Variants in RAB38 observed in about 807,000 individuals in gnomAD.
RAB38 encodes the protein RAB38, member RAS oncogene family, also known as ras-related protein Rab-38.
Under a neutral mutation model 18.4 loss-of-function variants are expected in RAB38, and 15 were observed. The observed-to-expected ratio is 0.82, with a 90% CI of 0.55 to 1.26. RAB38 has a LOEUF of 1.26. Ranked by LOEUF, RAB38 falls within the 50% of genes most tolerant of loss-of-function variation. The pLI is 0.00. For missense variants in RAB38, 294 were observed against 267.4 expected (o/e 1.10, Z -0.69); for synonymous variants, 101 against 104.4 (o/e 0.97, Z 0.20).
chr11:88,127,645 T>C (rs1419055524), intron 2 of RAB38, among the ~76,000 whole-genome samples: 2 of 152,182 alleles, frequency 1.3e-5, no homozygotes, highest in Non-Finnish European at 2.9e-5. Flanking sequence ...TAGCCCAAAA[T>C]GAAATACATG....
the RAB38 span, among the ~76,000 whole-genome samples, chr11:88,037,389 A>T: frequency 2.0e-5 from 3 of 152,130 alleles, no homozygotes; most frequent in East Asian, 5.8e-4. Context: ...TTTTACCCAA[A>T]GAGCCCTAAT....
At chr11:87,860,458 T>A in the RAB38 span, among the ~76,000 whole-genome samples, 2 of 151,964 alleles carry the variant, frequency 1.3e-5, no homozygotes, top group Non-Finnish European at 2.9e-5. Flanking sequence ...ACTTCAACAC[T>A]AATGACTTTT....
the RAB38 span, among the ~76,000 whole-genome samples, chr11:88,048,734 T>G: frequency 2.6e-5 from 4 of 152,174 alleles, no homozygotes; most frequent in African/African-American, 9.7e-5. Flanking sequence ...TGCCCTGCTC[T>G]TGTTTACACT....
At chr11:87,875,850 A>T in the RAB38 span, among the ~76,000 whole-genome samples, 18 of 151,588 alleles carry the variant, frequency 1.2e-4, no homozygotes, top group African/African-American at 4.1e-4. Flanking sequence ...AAATTTACAG[A>T]TTAGTTCTAA....
At chr11:87,948,044 A>ATTTG in the RAB38 span, among the ~76,000 whole-genome samples, 7 of 152,176 alleles carry the variant, frequency 4.6e-5, no homozygotes, top group Admixed American at 6.5e-5. Context: ...ATGTTCTTCC[A>ATTTG]TTTGTTTGTA....
At chr11:88,107,128 T>A in the RAB38 span, among the ~76,000 whole-genome samples, 23 of 152,150 alleles carry the variant, frequency 1.5e-4, no homozygotes, top group Non-Finnish European at 3.2e-4. Flanking sequence ...TTATCACAGC[T>A]TTATTTTTTA....
chr11:88,175,115 C>A, intron 1 of RAB38, 68 bp downstream of exon 1: 1 of 1,453,910 alleles, frequency 6.9e-7, no homozygotes, highest in South Asian at 1.4e-5. Context: ...GGCCGCAAGC[C>A]GCTGCCTCGA....
chr11:87,834,281 A>T, the RAB38 span, among the ~76,000 whole-genome samples: 1 of 152,304 alleles, frequency 6.6e-6, no homozygotes, highest in South Asian at 2.1e-4. Context: ...ATGAACTTAG[A>T]AAAGGATTCA....
the RAB38 span, among the ~76,000 whole-genome samples, chr11:87,918,637 T>C: frequency 1.3e-5 from 2 of 152,114 alleles, no homozygotes; most frequent in Non-Finnish European, 2.9e-5. Flanking sequence ...CTACTGGTGA[T>C]CATTTTTTTC....
chr11:88,169,823 A>G (rs1300708172), intron 1 of RAB38, among the ~76,000 whole-genome samples: 5 of 152,190 alleles, frequency 3.3e-5, no homozygotes, highest in Admixed American at 1.3e-4. Context: ...ATGTCTATCA[A>G]TGCTCTTTAC....
the RAB38 span, among the ~76,000 whole-genome samples, chr11:88,023,376 C>T: frequency 6.7e-6 from 1 of 149,632 alleles, no homozygotes; most frequent in East Asian, 1.9e-4. Flanking sequence ...AAAAAACCTA[C>T]AAAACACTGA....
the RAB38 span, among the ~76,000 whole-genome samples, chr11:87,910,628 A>ATTTTTTTTTTTTTTTTTTTTT: frequency 1.3e-5 from 1 of 74,228 alleles, no homozygotes; most frequent in African/African-American, 5.9e-5. Flanking sequence ...TTCAAAGTTC[A>ATTTTTTTTTTTTTTTTTTTTT]TTTTCTTTTT....
the RAB38 span, among the ~76,000 whole-genome samples, chr11:88,071,243 G>GACACACACACACAC: frequency 8.0e-3 from 1,189 of 148,512 alleles, 15 homozygotes; most frequent in African/African-American, 0.028. Context: ...ACTGGGGGAG[G>GACACACACACACAC]ACACACACAC....
chr11:87,943,408 T>C, the RAB38 span, among the ~76,000 whole-genome samples: 1 of 152,168 alleles, frequency 6.6e-6, no homozygotes, highest in Non-Finnish European at 1.5e-5. Context: ...CCTCTCTGGT[T>C]CTTCCCCTCT....
chr11:88,064,370 C>A, the RAB38 span, among the ~76,000 whole-genome samples: 1 of 152,210 alleles, frequency 6.6e-6, no homozygotes, highest in African/African-American at 2.4e-5. Context: ...TGGTTAATGG[C>A]ATGTGGATGG....
At chr11:87,919,367 G>GT in the RAB38 span, among the ~76,000 whole-genome samples, 1,105 of 151,110 alleles carry the variant, frequency 7.3e-3, 13 homozygotes, top group African/African-American at 0.024. Flanking sequence ...GATTATCATA[G>GT]TTTTTTTTTA....
the RAB38 span, among the ~76,000 whole-genome samples, chr11:88,019,521 C>A: frequency 3.9e-5 from 6 of 152,144 alleles, no homozygotes; most frequent in Non-Finnish European, 8.8e-5. Flanking sequence ...TAAATGGAAT[C>A]CTTTAAAATG....
chr11:87,940,329 A>G, the RAB38 span, among the ~76,000 whole-genome samples: 2 of 152,148 alleles, frequency 1.3e-5, no homozygotes, highest in Non-Finnish European at 1.5e-5. Flanking sequence ...AAAGACACTC[A>G]TCTCTCTTTG....
At chr11:88,032,324 G>A in the RAB38 span, among the ~76,000 whole-genome samples, 1 of 152,140 alleles carries the variant, frequency 6.6e-6, no homozygotes, top group East Asian at 1.9e-4. Context: ...GCATGGGCAA[G>A]GACTTCATGT....
Sources: allele counts gnomAD v4.1 joint callset (sites outside exome capture counted in the v4.1 genomes callset), GRCh38; gene constraint gnomAD v4.1.1; transcripts MANE v1.5; gene names NCBI Gene and HGNC (gene_info 2026-07-23, HGNC 2026-07-21).